PCGF6: variants seen among roughly 807,000 people sequenced by gnomAD.
PCGF6 encodes polycomb group ring finger 6.
Under a neutral mutation model 45.5 loss-of-function variants are expected in PCGF6, and 24 were observed. That is an observed-to-expected ratio of 0.53 (90% CI 0.38 to 0.74). The LOEUF is 0.74. Among genes scored for constraint, PCGF6 ranks in the 30% least tolerant of loss-of-function variants. The pLI is 0.00. For synonymous variants in PCGF6, 152 were observed against 162.1 expected, an observed-to-expected ratio of 0.94 and a Z score of 0.47; for missense variants, 356 against 443.2, an observed-to-expected ratio of 0.80 and a Z score of 1.77.
At position 103,350,950 on chromosome 10, in the gene PCGF6, T is replaced by G. The variant is rs1204197595; in HGVS notation, c.117A>C (p.Ala39=). 4.0e-6 allele frequency: 6 copies of G among 1,492,632 alleles called. No individual in the cohort carries two copies. The East Asian group carries it at 1.5e-4, about 38-fold the overall frequency. 92.5% of individuals were successfully genotyped at this position (1,492,632 alleles called of 1,614,324 possible). A position where few individuals can be genotyped will look rare whatever the true frequency, so the allele number is the denominator to read the frequency against. ...GAGGCGCCGGTCCCTCCTCACCCGCTGCGGGTGCAGGGGTGAGGGCGGGCG... is the reference window on the plus strand; with the variant it reads ...GAGGCGCCGGTCCCTCCTCACCCGCGGCGGGTGCAGGGGTGAGGGCGGGCG... ...VSPPALTPAP[A]AGEEGPAPLS... The change falls in exon 1 of 10, where the codon GCA becomes GCC. Residue 39 remains alanine, a synonymous_variant. Transcript: ENST00000369847.
chr10:103,311,743 C>T (rs2093158073), intron 9 of PCGF6, among the ~76,000 whole-genome samples: 1 of 152,050 alleles, frequency 6.6e-6, no homozygotes, highest in African/African-American at 2.4e-5. Flanking sequence ...AGAAACAGTG[C>T]ATCACACCAC....
intron 6 of PCGF6, among the ~76,000 whole-genome samples, chr10:103,342,162 C>T (rs534668132): frequency 9.2e-5 from 14 of 152,072 alleles, no homozygotes; most frequent in Non-Finnish European, 1.6e-4. Flanking sequence ...TCTCAAACTC[C>T]TAATCTCAAG....
intron 1 of PCGF6, 151 bp from the exon 2 acceptor site, chr10:103,349,150 C>T (rs756133871): frequency 2.6e-5 from 17 of 650,488 alleles, no homozygotes; most frequent in Non-Finnish European, 3.9e-5. Context: ...TGGATTAAAG[C>T]GATTCTCCTG....
intron 8 of PCGF6, among the ~76,000 whole-genome samples, chr10:103,314,737 G>T (rs1368242141): frequency 6.6e-6 from 1 of 151,922 alleles, no homozygotes; most frequent in Admixed American, 6.6e-5. Context: ...ATCACCTGAG[G>T]TCAGGAGTTC....
chr10:103,310,575 C>A (rs569621134), intron 9 of PCGF6, among the ~76,000 whole-genome samples: 1 of 151,986 alleles, frequency 6.6e-6, no homozygotes, highest in South Asian at 2.1e-4. Context: ...GAAAATAATT[C>A]TTGGGAACAG....
rs1045168586 is a variant in PCGF6, at chr10:103,304,721, T to C, written c.997-760A>G. Among the ~76,000 whole-genome samples, 27 of 149,086 alleles carry C rather than the reference T, an allele frequency of 1.8e-4. No individual in the cohort carries two copies. The South Asian group carries it at 2.1e-3, about 12-fold the overall frequency. ...CCCAGGCTGGAGTTCAGTGGCCAAA[T>C]CTGGACTCACTGCAGCCTTGACCAC... is the stretch of plus-strand genomic sequence containing the variant. On this transcript the variant is annotated intron_variant, in intron 9 of 9. Transcript: ENST00000369847.
At chr10:103,330,487 T>TA (rs111668776) in intron 7 of PCGF6, among the ~76,000 whole-genome samples, 2,511 of 151,822 alleles carry the variant, frequency 0.017, 58 homozygotes, top group African/African-American at 0.053. Context: ...GCTTAGGTAT[T>TA]AAAAAAAAAT....
At chr10:103,313,377 TAACATGGTGA>T (rs1193748921) in intron 9 of PCGF6, among the ~76,000 whole-genome samples, 3 of 152,132 alleles carry the variant, frequency 2.0e-5, no homozygotes, top group African/African-American at 7.2e-5. Context: ...CAAGTCTGGC[TAACATGGTGA>T]AACCCTGTTT....
At chr10:103,306,702 A>T (rs958921632) in intron 9 of PCGF6, among the ~76,000 whole-genome samples, 2 of 152,250 alleles carry the variant, frequency 1.3e-5, no homozygotes, top group Non-Finnish European at 2.9e-5. Flanking sequence ...AGTGCCCACA[A>T]GGCCCAGGCC....
chr10:103,339,808 AAAACACACACACACACACAC>A (rs1486910615), intron 6 of PCGF6, among the ~76,000 whole-genome samples: 7 of 78,026 alleles, frequency 9.0e-5, no homozygotes, highest in Non-Finnish European at 1.2e-4. Flanking sequence ...TCTCAAAAAA[AAAACACACACACACACACAC>A]ACACACACAC....
chr10:103,335,055 T>C (rs1171991749), intron 6 of PCGF6, among the ~76,000 whole-genome samples: 1 of 152,090 alleles, frequency 6.6e-6, no homozygotes, highest in African/African-American at 2.4e-5. Flanking sequence ...TATTCTTTTT[T>C]TCTTTCATTT....
intron 7 of PCGF6, among the ~76,000 whole-genome samples, chr10:103,330,817 T>G (rs1239003317): frequency 6.6e-6 from 1 of 152,140 alleles, no homozygotes; most frequent in Non-Finnish European, 1.5e-5. Context: ...TAATACCAGC[T>G]ACTTGGGAGG....
chr10:103,329,977 G>T (rs1157848992), intron 7 of PCGF6, among the ~76,000 whole-genome samples: 1 of 146,752 alleles, frequency 6.8e-6, no homozygotes, highest in Non-Finnish European at 1.5e-5. Flanking sequence ...ACGGGTGTTA[G>T]CCAGGATGGT....
intron 1 of PCGF6, among the ~76,000 whole-genome samples, chr10:103,350,158 A>T (rs2093315847): frequency 6.6e-6 from 1 of 151,760 alleles, no homozygotes; most frequent in Non-Finnish European, 1.5e-5. Flanking sequence ...ATTATACAGG[A>T]CAGGCAACGT....
At chr10:103,324,141 G>T (rs2093207967) in intron 8 of PCGF6, among the ~76,000 whole-genome samples, 2 of 151,662 alleles carry the variant, frequency 1.3e-5, no homozygotes, top group African/African-American at 4.9e-5. Flanking sequence ...GTTTCACCGT[G>T]TTGGCCAGGC....
intron 8 of PCGF6, among the ~76,000 whole-genome samples, chr10:103,318,472 C>T (rs769376995): frequency 8.0e-5 from 12 of 150,270 alleles, no homozygotes; most frequent in South Asian, 2.1e-4. Context: ...AGTGCGGGTG[C>T]GGTGGCGCAC....
At chr10:103,317,094 C>T (rs1355522930) in intron 8 of PCGF6, among the ~76,000 whole-genome samples, 1 of 152,110 alleles carries the variant, frequency 6.6e-6, no homozygotes, top group Non-Finnish European at 1.5e-5. Flanking sequence ...CACTGCAACC[C>T]TTGCCTCTCA....
chr10:103,339,158 T>C (rs993970905), intron 6 of PCGF6, among the ~76,000 whole-genome samples: 12 of 152,228 alleles, frequency 7.9e-5, no homozygotes, highest in African/African-American at 2.9e-4. Flanking sequence ...CTCACGCCTG[T>C]AATCCCATCA....
At chr10:103,320,374 T>C (rs1369466097) in intron 8 of PCGF6, among the ~76,000 whole-genome samples, 2 of 152,078 alleles carry the variant, frequency 1.3e-5, no homozygotes, top group Non-Finnish European at 2.9e-5. Context: ...AAATTTTAAA[T>C]GAACTTAAAT....
Sources: allele counts gnomAD v4.1 joint callset (sites outside exome capture counted in the v4.1 genomes callset), GRCh38; gene constraint gnomAD v4.1.1; transcripts MANE v1.5; gene names NCBI Gene and HGNC (gene_info 2026-07-23, HGNC 2026-07-21).